The following LRP8 variants were observed in gnomAD, a reference collection of about 807,000 sequenced individuals.
LRP8 encodes LDL receptor related protein 8.
A neutral mutation model predicts 111.6 loss-of-function variants in LRP8; 46 were observed. That is an observed-to-expected ratio of 0.41 (90% CI 0.33 to 0.53). The LOEUF is 0.53. Ranked by LOEUF, LRP8 falls within the 20% of genes least tolerant of loss-of-function variation. LRP8 has a pLI of 0.20. For missense variants in LRP8, 959 were observed against 1,297.4 expected (o/e 0.74, Z 4.01); for synonymous variants, 464 against 511.2 (o/e 0.91, Z 1.24).
chr1:53,312,017 C>T (rs1029174129), intron 2 of LRP8, among the ~76,000 whole-genome samples: 3 of 152,210 alleles, frequency 2.0e-5, no homozygotes, highest in African/African-American at 7.2e-5. Context: ...ATGAGAACAA[C>T]GATCTCAGTG....
chr1:53,304,140 C>T (rs1274539919), intron 2 of LRP8, among the ~76,000 whole-genome samples: 1 of 152,216 alleles, frequency 6.6e-6, no homozygotes, highest in Non-Finnish European at 1.5e-5. Context: ...GGCAGCAGTT[C>T]TATTAACCTG....
At chr1:53,274,051 T>G (rs1367696665) in intron 6 of LRP8, among the ~76,000 whole-genome samples, 3 of 152,104 alleles carry the variant, frequency 2.0e-5, no homozygotes, top group African/African-American at 7.2e-5. Flanking sequence ...CCACCCTACC[T>G]ACAGCCTGGA....
chr1:53,266,434 CA>C lies in LRP8; in HGVS notation c.1427+38del, dbSNP rs1646559333. ...CTCACCTGTCACCACCCCTCACCCCCACTCTTCATGCCTTGCTGCAGAGGAT... is the reference window on the plus strand; with the variant it reads ...CTCACCTGTCACCACCCCTCACCCCCCTCTTCATGCCTTGCTGCAGAGGAT... On this transcript the variant is annotated intron_variant, in intron 9 of 18. Transcript: ENST00000306052. The surrounding 1 kb of genome is among the most constrained non-coding windows in gnomAD (Gnocchi z 5.0). 1 of 1,602,246 alleles carries C rather than the reference CA, an allele frequency of 6.2e-7. No individual in the cohort carries two copies. The highest frequency in any genetic ancestry group is 8.5e-7 in the Non-Finnish European group (1 of 1,170,970).
At chr1:53,326,257 A>C (rs1004586219) in intron 2 of LRP8, among the ~76,000 whole-genome samples, 1 of 152,202 alleles carries the variant, frequency 6.6e-6, no homozygotes, top group Admixed American at 6.5e-5. Flanking sequence ...CACCCTAAGG[A>C]TATGCGCGGG....
chr1:53,258,259 AT>A, intron 14 of LRP8, 59 bp downstream of exon 14: 1 of 1,526,048 alleles, frequency 6.6e-7, no homozygotes, highest in Non-Finnish European at 8.9e-7. Context: ...CCAAGGGAAG[AT>A]TTCAGCAGGG....
chr1:53,287,045 A>G (rs1398589541), intron 3 of LRP8, among the ~76,000 whole-genome samples: 1 of 152,228 alleles, frequency 6.6e-6, no homozygotes, highest in African/African-American at 2.4e-5. Context: ...ACTATATCCA[A>G]TCCCAAACTC....
chr1:53,295,789 G>C (rs1208408066), intron 2 of LRP8, among the ~76,000 whole-genome samples: 2 of 152,144 alleles, frequency 1.3e-5, no homozygotes, highest in African/African-American at 4.8e-5. Context: ...TTTAACCAAG[G>C]AACTCCTTTT....
At chr1:53,315,022 G>A (rs1238120903) in intron 2 of LRP8, among the ~76,000 whole-genome samples, 3 of 152,166 alleles carry the variant, frequency 2.0e-5, no homozygotes, top group African/African-American at 7.2e-5. Flanking sequence ...CCTGTGTCCT[G>A]GCCACTAAAG....
At chr1:53,276,129 G>A (rs1291575061) in intron 5 of LRP8, among the ~76,000 whole-genome samples, 1 of 152,118 alleles carries the variant, frequency 6.6e-6, no homozygotes. Flanking sequence ...CCTGTGCCAG[G>A]TGCTGTGCTG....
intron 18 of LRP8, among the ~76,000 whole-genome samples, chr1:53,248,373 C>T (rs1441753739): frequency 6.6e-6 from 1 of 152,106 alleles, no homozygotes; most frequent in Non-Finnish European, 1.5e-5. Flanking sequence ...AAGATAGGCC[C>T]CAGTAGTGAT....
In LRP8 at chr1:53,280,701, G is replaced by A. The variant is rs1647079461; in HGVS notation, c.382C>T (p.Pro128Ser). The A allele has an allele frequency of 6.2e-7, 1 of 1,611,898 alleles. No individual in the cohort carries two copies. Among genetic ancestry groups the A allele is most frequent in the Admixed American group, 1.7e-5 (1 of 60,012 alleles). ...GGTCCACAGCTCAGCTTCTCTGCAG[G>A]ACACACCTGCTTGGCTGTGGAGACA... ...SEATCTKQVC[P>S]AEKLSCGPTS... Residue 128 changes from proline to serine, a missense_variant, in exon 4 of 19, where the codon CCT (proline) becomes TCT (serine). By Grantham distance (74) the Pro-to-Ser change is moderately conservative. This residue lies in a region of LRP8 where 43 missense variants were observed against 92.4 expected (regional missense o/e 0.47). Transcript: ENST00000306052.
intron 8 of LRP8, chr1:53,268,301 C>A (rs1646648683): frequency 6.6e-6 from 1 of 152,222 alleles, no homozygotes; most frequent in South Asian, 2.1e-4. Context: ...GTGACAGGAA[C>A]CCCCTGTGTT....
intron 2 of LRP8, among the ~76,000 whole-genome samples, chr1:53,295,587 C>T (rs76662171): frequency 0.016 from 2,453 of 152,134 alleles, 74 homozygotes; most frequent in African/African-American, 0.056. Context: ...GACAGAAAAT[C>T]GGCCCTTAGC....
intron 6 of LRP8, chr1:53,274,892 A>G (rs1646871281): frequency 4.4e-6 from 2 of 453,892 alleles, no homozygotes; most frequent in East Asian, 1.4e-4. Flanking sequence ...TGGGGCCCAC[A>G]GGAGGCAAGC....
At chr1:53,290,453 G>A (rs998887399) in intron 2 of LRP8, among the ~76,000 whole-genome samples, 3 of 152,184 alleles carry the variant, frequency 2.0e-5, no homozygotes. Flanking sequence ...AGCAGACTCA[G>A]GCACATGGCA....
intron 18 of LRP8, 47 bp from the exon 19 acceptor site, chr1:53,247,103 CT>C (rs772999877): frequency 1.3e-6 from 2 of 1,481,660 alleles, no homozygotes; most frequent in Non-Finnish European, 1.8e-6. Context: ...ATAAGAGTTA[CT>C]ATTTATTTAG....
chr1:53,272,559 C>T (rs1385722951), intron 6 of LRP8: 2 of 1,289,964 alleles, frequency 1.6e-6, no homozygotes, highest in Admixed American at 4.6e-5. Context: ...CTATGGGGTG[C>T]CCCCACTTCC....
In LRP8 at chr1:53,266,740, A is replaced by G. The variant is rs1646578193; in HGVS notation, c.1253-93T>C. The G allele has an allele frequency of 8.7e-7, 1 of 1,150,096 alleles. No individual in the cohort carries two copies. The highest frequency in any genetic ancestry group is 1.9e-5 in the Admixed American group (1 of 54,002). The allele number at this position is 1,150,096 out of a possible 1,614,324, so 71.2% of individuals were successfully genotyped here. A position where few individuals can be genotyped will look rare whatever the true frequency, so the allele number is the denominator to read the frequency against. ...CTGCCACTGGCTTGCTGGCTGACAC[A>G]TCCATTTTCCTTAAAATAGTAGTGA... On this transcript the variant is annotated intron_variant, in intron 8 of 18. Coordinates refer to ENST00000306052, the MANE Select transcript of LRP8 (RefSeq NM_004631.5). This position sits in a 1 kb window ranked among gnomAD's most constrained non-coding sequence, Gnocchi z 5.0.
chr1:53,272,062 C>A (rs187193302), intron 6 of LRP8, among the ~76,000 whole-genome samples: 435 of 149,144 alleles, frequency 2.9e-3, no homozygotes, highest in African/African-American at 9.9e-3. Context: ...CACAGGATGC[C>A]CCCCCTAATG....
Sources: allele counts gnomAD v4.1 joint callset (sites outside exome capture counted in the v4.1 genomes callset), GRCh38; gene constraint gnomAD v4.1.1; regional missense constraint gnomAD v4.1.1; non-coding constraint Gnocchi (gnomAD v3.1); transcripts MANE v1.5; gene names NCBI Gene and HGNC (gene_info 2026-07-23, HGNC 2026-07-21).